ATP11B: variants seen among roughly 807,000 people sequenced by gnomAD.
The protein encoded by ATP11B is phospholipid-transporting ATPase IF.
A neutral mutation model predicts 157.8 loss-of-function variants in ATP11B; 81 were observed. That is an observed-to-expected ratio of 0.51 (90% CI 0.43 to 0.62). The LOEUF is 0.62. ATP11B is among the 20% of genes least tolerant of loss of function. The pLI is 0.00. For missense variants in ATP11B, 1,165 were observed against 1,402.2 expected, an observed-to-expected ratio of 0.83 and a Z score of 2.70; for synonymous variants, 451 against 469.4, an observed-to-expected ratio of 0.96 and a Z score of 0.51.
At chr3:182,824,749 T>C (rs1401022157) in intron 2 of ATP11B, among the ~76,000 whole-genome samples, 1 of 152,242 alleles carries the variant, frequency 6.6e-6, no homozygotes, top group Non-Finnish European at 1.5e-5. Context: ...GAGGACTGTC[T>C]CATTACTACC....
intron 27 of ATP11B, among the ~76,000 whole-genome samples, chr3:182,897,648 C>G (rs542664866): frequency 1.3e-5 from 2 of 151,584 alleles, no homozygotes; most frequent in South Asian, 4.2e-4. Flanking sequence ...CTGTTTTTTT[C>G]TGTGTAGAAA....
At chr3:182,861,027 G>T (rs1720790212) in intron 12 of ATP11B, among the ~76,000 whole-genome samples, 1 of 151,494 alleles carries the variant, frequency 6.6e-6, no homozygotes, top group Non-Finnish European at 1.5e-5. Context: ...GGGTTTATGA[G>T]AGAATGGGAT....
intron 10 of ATP11B, among the ~76,000 whole-genome samples, chr3:182,856,057 T>C (rs528721418): frequency 7.6e-4 from 115 of 152,310 alleles, no homozygotes; most frequent in African/African-American, 2.6e-3. Flanking sequence ...ATGAATTTTA[T>C]GCTGACACAA....
chr3:182,864,707 T>C (rs890593571), intron 12 of ATP11B, among the ~76,000 whole-genome samples: 5 of 152,114 alleles, frequency 3.3e-5, no homozygotes, highest in Non-Finnish European at 5.9e-5. Flanking sequence ...TTTCTTGTGA[T>C]TTCTACATCC....
At chr3:182,799,483 A>G (rs1393908635) in intron 1 of ATP11B, among the ~76,000 whole-genome samples, 1 of 151,560 alleles carries the variant, frequency 6.6e-6, no homozygotes, top group Non-Finnish European at 1.5e-5. Flanking sequence ...TCTCCGTGTT[A>G]CCAGGATGGT....
At chr3:182,867,580 T>A in intron 15 of ATP11B, 136 bp downstream of exon 15, 9 of 111,096 alleles carry the variant, frequency 8.1e-5, no homozygotes, top group East Asian at 5.9e-4. Flanking sequence ...GTCACATTAC[T>A]TTTTTTTTTT....
rs6784314 is a variant in ATP11B, at chr3:182,885,905, G to A, written c.2656-46G>A. 138,069 of 1,317,532 alleles carry A rather than the reference G, an allele frequency of 0.1. 8,047 individuals are homozygous for A. Among genetic ancestry groups the A allele is most frequent in the African/African-American group, 0.23 (14,692 of 63,772 alleles). 81.6% of individuals were successfully genotyped at this position (1,317,532 alleles called of 1,614,324 possible). A position where few individuals can be genotyped will look rare whatever the true frequency, so the allele number is the denominator to read the frequency against. ...TTTTTTTATTTTTTATTTTGTCTTT[G>A]AAACCTAAATATTTTAATTATTTTC... On this transcript the variant is annotated intron_variant, in intron 22 of 29. Coordinates refer to ENST00000323116, the MANE Select transcript of ATP11B (RefSeq NM_014616.3).
intron 28 of ATP11B, among the ~76,000 whole-genome samples, chr3:182,911,479 C>T (rs982019003): frequency 1.3e-5 from 2 of 151,926 alleles, no homozygotes; most frequent in Non-Finnish European, 2.9e-5. Context: ...GATTCAAGCC[C>T]CAGATTAAGT....
chr3:182,863,333 A>G (rs1720994003), intron 12 of ATP11B, among the ~76,000 whole-genome samples: 1 of 151,914 alleles, frequency 6.6e-6, no homozygotes, highest in African/African-American at 2.4e-5. Context: ...TTCTGAATAA[A>G]TTTTTCCAAT....
At chr3:182,895,949 G>A (rs1394208387) in intron 25 of ATP11B, among the ~76,000 whole-genome samples, 5 of 152,212 alleles carry the variant, frequency 3.3e-5, no homozygotes, top group African/African-American at 2.4e-5. Context: ...CTCATGTCCC[G>A]AACCCCCGTG....
chr3:182,916,669 G>C, intron 29 of ATP11B: 3 of 983,748 alleles, frequency 3.0e-6, no homozygotes, highest in Non-Finnish European at 3.6e-6. Context: ...AGTGTTTAAT[G>C]TTCTGTCAAA....
intron 28 of ATP11B, among the ~76,000 whole-genome samples, chr3:182,909,453 A>G (rs1724609828): frequency 6.6e-6 from 1 of 152,156 alleles, no homozygotes; most frequent in African/African-American, 2.4e-5. Context: ...TCTCACTCCC[A>G]TTACTATGCT....
At chr3:182,814,272 C>G (rs1397043717) in intron 1 of ATP11B, among the ~76,000 whole-genome samples, 2 of 151,964 alleles carry the variant, frequency 1.3e-5, no homozygotes, top group Non-Finnish European at 2.9e-5. Context: ...ACCATTTTAG[C>G]CAGGCTGGTC....
At chr3:182,831,123 G>A (rs559141465) in intron 4 of ATP11B, among the ~76,000 whole-genome samples, 1 of 152,188 alleles carries the variant, frequency 6.6e-6, no homozygotes, top group South Asian at 2.1e-4. Context: ...ACAACTGTTT[G>A]TACAACATTT....
intron 21 of ATP11B, among the ~76,000 whole-genome samples, chr3:182,881,220 G>C (rs932185240): frequency 1.3e-5 from 2 of 152,178 alleles, no homozygotes. Flanking sequence ...CAGATCACGA[G>C]GTCAGAAGTT....
At chr3:182,904,761 C>T (rs529637743) in intron 28 of ATP11B, among the ~76,000 whole-genome samples, 11 of 151,958 alleles carry the variant, frequency 7.2e-5, no homozygotes, top group Non-Finnish European at 1.0e-4. Flanking sequence ...TGGTGGCAGG[C>T]GCCTGTAACC....
At chr3:182,910,088 A>T (rs1437182290) in intron 28 of ATP11B, among the ~76,000 whole-genome samples, 11 of 151,532 alleles carry the variant, frequency 7.3e-5, no homozygotes, top group Non-Finnish European at 1.3e-4. Flanking sequence ...AAAAAAAAAA[A>T]AAAAAAAGCA....
chr3:182,822,747 G>A (rs1287903774), intron 2 of ATP11B, among the ~76,000 whole-genome samples: 1 of 152,182 alleles, frequency 6.6e-6, no homozygotes, highest in Non-Finnish European at 1.5e-5. Flanking sequence ...GTGTAAAAGT[G>A]TTCCTATTTC....
intron 1 of ATP11B, among the ~76,000 whole-genome samples, chr3:182,808,458 G>A (rs1716461248): frequency 6.6e-6 from 1 of 151,982 alleles, no homozygotes; most frequent in Non-Finnish European, 1.5e-5. Flanking sequence ...TATATTTGTA[G>A]TATTTTTTTT....
Sources: gnomAD v4.1 joint callset for allele counts (sites outside exome capture counted in the v4.1 genomes callset) on GRCh38, gnomAD v4.1.1 for gene constraint, MANE v1.5 for transcripts, NCBI Gene and HGNC (gene_info 2026-07-23, HGNC 2026-07-21) for gene names.